Variants in CALN1 observed in about 807,000 individuals in gnomAD.
CALN1 encodes the protein calcium-binding protein 8.
CALN1 carries 17 observed loss-of-function variants against 30.6 expected under a neutral mutation model. The observed-to-expected ratio is 0.56, with a 90% CI of 0.38 to 0.83. The LOEUF (loss-of-function observed/expected upper bound fraction) is 0.83, where lower values mean the gene tolerates loss of function less well. Among genes scored for constraint, CALN1 ranks in the 40% least tolerant of loss-of-function variants. The pLI, the probability that CALN1 is intolerant of heterozygous loss-of-function variation, is 0.00. For missense variants in CALN1, 291 were observed against 354.9 expected (o/e 0.82, Z 1.45); for synonymous variants, 156 against 131.4 (o/e 1.19, Z -1.28).
intron 3 of CALN1, among the ~76,000 whole-genome samples, chr7:72,245,934 T>G (rs115574491): frequency 6.6e-6 from 1 of 152,292 alleles, no homozygotes; most frequent in African/African-American, 2.4e-5. Context: ...CTGGCAGCAA[T>G]GCTTACACTG....
chr7:71,875,746 G>A (rs772478460), intron 5 of CALN1, among the ~76,000 whole-genome samples: 1 of 146,928 alleles, frequency 6.8e-6, no homozygotes, highest in Non-Finnish European at 1.5e-5. Flanking sequence ...GCCCAGCTAG[G>A]TTCTTATACT....
intron 5 of CALN1, among the ~76,000 whole-genome samples, chr7:71,971,115 A>T (rs1170175835): frequency 1.3e-5 from 2 of 152,168 alleles, no homozygotes; most frequent in African/African-American, 2.4e-5. Flanking sequence ...GGGAGTAATG[A>T]GTGTGTCTGC....
At chr7:72,397,714 TCACACA>T (rs3138810) in intron 2 of CALN1, among the ~76,000 whole-genome samples, 9,331 of 142,864 alleles carry the variant, frequency 0.065, 378 homozygotes, top group Admixed American at 0.097. Flanking sequence ...CCATTCTCTC[TCACACA>T]CACACACACA....
At chr7:72,332,973 G>T (rs538770887) in intron 2 of CALN1, among the ~76,000 whole-genome samples, 15 of 152,244 alleles carry the variant, frequency 9.9e-5, no homozygotes, top group Middle Eastern at 6.8e-3. Context: ...GAAATGCTGA[G>T]TCCCTGGGTC....
At chr7:72,275,218 C>T (rs753040348) in intron 3 of CALN1, among the ~76,000 whole-genome samples, 1 of 152,118 alleles carries the variant, frequency 6.6e-6, no homozygotes, top group Non-Finnish European at 1.5e-5. Flanking sequence ...CGATGTCCAT[C>T]AGTGTCCAAC....
chr7:72,399,918 T>C lies in CALN1; in HGVS notation c.119+3333A>G, dbSNP rs144062179. ...CTCTATTAGTTCATGCAAGAGCTAG[T>C]TGTTAAAAAGAGCCTGGCATCTCTC... On this transcript the variant is annotated intron_variant, in intron 2 of 6. Coordinates refer to ENST00000395275, the MANE Select transcript of CALN1 (RefSeq NM_031468.4). Among the ~76,000 whole-genome samples, 66 of 152,274 alleles carry C rather than the reference T, an allele frequency of 4.3e-4. No homozygotes were observed. The East Asian group carries it at 0.013, about 29-fold the overall frequency.
intron 1 of CALN1, among the ~76,000 whole-genome samples, chr7:72,410,794 C>A (rs1807075635): frequency 6.6e-6 from 1 of 151,132 alleles, no homozygotes. Flanking sequence ...AGCTCACGAG[C>A]CAGCACCCTA....
At chr7:72,287,349 C>G (rs1000775622) in intron 2 of CALN1, among the ~76,000 whole-genome samples, 17 of 151,896 alleles carry the variant, frequency 1.1e-4, no homozygotes, top group Non-Finnish European at 2.5e-4. Context: ...TGATATTACA[C>G]CATCCATATG....
intron 5 of CALN1, among the ~76,000 whole-genome samples, chr7:71,834,348 TA>T (rs60091117): frequency 0.034 from 3,087 of 89,748 alleles, 103 homozygotes; most frequent in African/African-American, 0.12. Flanking sequence ...CGATCCACCC[TA>T]AAAAAAAAAA....
chr7:72,157,005 A>G (rs780867255), intron 3 of CALN1, among the ~76,000 whole-genome samples: 1 of 152,212 alleles, frequency 6.6e-6, no homozygotes, highest in African/African-American at 2.4e-5. Context: ...TGGTTGAGAC[A>G]GATGCTCATG....
intron 2 of CALN1, among the ~76,000 whole-genome samples, chr7:72,291,233 T>G (rs1798458282): frequency 1.3e-5 from 2 of 152,106 alleles, no homozygotes; most frequent in African/African-American, 4.8e-5. Context: ...CTTTTAACCA[T>G]TTCTGACTTA....
At chr7:72,485,059 A>G in the CALN1 span, among the ~76,000 whole-genome samples, 1 of 152,104 alleles carries the variant, frequency 6.6e-6, no homozygotes, top group Admixed American at 6.6e-5. Flanking sequence ...AGCCTCTCTA[A>G]ATAATGCACA....
At chr7:71,966,597 G>A (rs750000852) in intron 5 of CALN1, among the ~76,000 whole-genome samples, 65 of 152,108 alleles carry the variant, frequency 4.3e-4, no homozygotes, top group Non-Finnish European at 6.0e-4. Context: ...TGCCATTATT[G>A]TAAGTTTCCT....
At chr7:72,321,440 C>T (rs1037147873) in intron 2 of CALN1, among the ~76,000 whole-genome samples, 3 of 152,152 alleles carry the variant, frequency 2.0e-5, no homozygotes, top group African/African-American at 7.2e-5. Context: ...CACCACAACA[C>T]CAAGAAATCT....
intron 5 of CALN1, among the ~76,000 whole-genome samples, chr7:71,879,690 G>A (rs1012307138): frequency 1.4e-4 from 21 of 152,168 alleles, no homozygotes; most frequent in African/African-American, 5.1e-4. Flanking sequence ...AAAACTATCA[G>A]CATCTTTCTA....
chr7:72,320,753 T>C (rs1233016029), intron 2 of CALN1, among the ~76,000 whole-genome samples: 2 of 148,944 alleles, frequency 1.3e-5, no homozygotes, highest in Non-Finnish European at 3.0e-5. Context: ...GAGAATTGCT[T>C]GAGCCAGGGA....
intron 1 of CALN1, among the ~76,000 whole-genome samples, chr7:72,411,159 A>C (rs1343970260): frequency 1.3e-5 from 2 of 152,360 alleles, no homozygotes; most frequent in East Asian, 3.9e-4. Flanking sequence ...CAGATTTGAA[A>C]AAAACTATCA....
intron 5 of CALN1, among the ~76,000 whole-genome samples, chr7:71,849,355 A>G (rs1161920172): frequency 2.6e-5 from 4 of 151,194 alleles, no homozygotes; most frequent in Non-Finnish European, 5.9e-5. Context: ...ACTCTATTCT[A>G]TTTATGGCTA....
chr7:72,252,328 A>G (rs984810597), intron 3 of CALN1, among the ~76,000 whole-genome samples: 1 of 152,164 alleles, frequency 6.6e-6, no homozygotes, highest in Non-Finnish European at 1.5e-5. Context: ...GTCCAGGCAC[A>G]GTGACTCACA....
Sources: allele counts gnomAD v4.1 joint callset (sites outside exome capture counted in the v4.1 genomes callset), GRCh38; gene constraint gnomAD v4.1.1; transcripts MANE v1.5; gene names NCBI Gene and HGNC (gene_info 2026-07-23, HGNC 2026-07-21).